Variants in PRELP observed in about 807,000 individuals in gnomAD.
The protein encoded by PRELP is proline and arginine rich end leucine rich repeat protein, also known as prolargin.
In PRELP, 16 loss-of-function variants were observed where a neutral mutation model predicts 22.8. The ratio of observed to expected loss-of-function variants is 0.70; its 90% CI spans 0.47 to 1.06. The LOEUF (loss-of-function observed/expected upper bound fraction) is 1.06, where lower values mean the gene tolerates loss of function less well. PRELP is among the 50% of genes least tolerant of loss of function. The probability of loss-of-function intolerance (pLI) is 0.00; values close to 1 mark genes in which losing one functional copy is unlikely to be tolerated. For synonymous variants in PRELP, 233 were observed against 211.4 expected, an observed-to-expected ratio of 1.10 and a Z score of -0.89; for missense variants, 434 against 485.2, an observed-to-expected ratio of 0.89 and a Z score of 0.99.
chr1:203,486,834 C>G lies in PRELP; in HGVS notation c.1102C>G (p.Leu368Val), dbSNP rs765798238. The G allele has an allele frequency of 6.2e-7, 1 of 1,614,116 alleles. No individual in the cohort carries two copies. Among genetic ancestry groups the G allele is most frequent in the Non-Finnish European group, 8.5e-7 (1 of 1,180,044 alleles). Residue 368 changes from leucine to valine, a missense_variant, in exon 3 of 3, where the codon CTG (leucine) becomes GTG (valine). Coordinates refer to ENST00000343110, the MANE Select transcript of PRELP (RefSeq NM_002725.4). ...AAACTACTTGAAGCCGCCCATCCCG[C>G]TGGACCTCATGATGTGCTTCCGCCT... ...DGNYLKPPIP[L>V]DLMMCFRLLQ... is the part of the protein sequence containing the mutation.
At chr1:203,484,864 C>T (rs1661066835) in intron 2 of PRELP, among the ~76,000 whole-genome samples, 1 of 152,174 alleles carries the variant, frequency 6.6e-6, no homozygotes, top group Non-Finnish European at 1.5e-5. Context: ...AGTTTTGCTT[C>T]AATCAAAAAT....
At chr1:203,479,618 A>T (rs961224747) in intron 1 of PRELP, among the ~76,000 whole-genome samples, 2 of 147,934 alleles carry the variant, frequency 1.4e-5, no homozygotes, top group Non-Finnish European at 3.0e-5. Context: ...TGGAAGGATC[A>T]CCTGAGCCCA....
At position 203,489,492 on chromosome 1, in the gene PRELP, G is replaced by C. The variant is rs931627948; in HGVS notation, c.*2611G>C. On this transcript the variant is annotated 3_prime_UTR_variant, in exon 3 of 3. Transcript: ENST00000343110. ...GTCATCGACATATACAGGTGTGTAC[G>C]TAGGTGTATGTGTGTACTCTGCACG... 6.6e-6 allele frequency: 1 copy of C among 152,240 alleles called. No individual in the cohort carries two copies. Among genetic ancestry groups the C allele is most frequent in the African/African-American group, 2.4e-5 (1 of 41,452 alleles). 9.4% of individuals were successfully genotyped at this position (152,240 alleles called of 1,614,324 possible). A position where few individuals can be genotyped will look rare whatever the true frequency, so the allele number is the denominator to read the frequency against.
In PRELP at chr1:203,481,665, C is replaced by T. The variant is rs564710709; in HGVS notation, c.-16-1504C>T. 5.3e-5 allele frequency among the ~76,000 whole-genome samples: 8 copies of T among 152,296 alleles called. No individual in the cohort carries two copies. In the East Asian group the frequency reaches 1.5e-3, roughly 29 times the overall value. On this transcript the variant is annotated intron_variant, in intron 1 of 2. Transcript: ENST00000343110. The stretch of plus-strand genomic sequence containing the variant: ...GCCTTCCTTCCCTTCCGCCTTCCTT[C>T]TTTCCTTCCAATACTCAGTGTACTG...
In PRELP at chr1:203,491,173, C is replaced by G. The variant is rs1203541129; in HGVS notation, c.*4292C>G. The G allele has an allele frequency of 6.6e-6, 1 of 152,344 alleles. No individual in the cohort carries two copies. The highest frequency in any genetic ancestry group is 2.1e-4 in the South Asian group (1 of 4,826). 9.4% of individuals were successfully genotyped at this position (152,344 alleles called of 1,614,324 possible). A position where few individuals can be genotyped will look rare whatever the true frequency, so the allele number is the denominator to read the frequency against. ...GCTCATCCTGGCTCAAAAGCTCCCC[C>G]ACTGAACACCTTGCAACCCCCACCC... On this transcript the variant is annotated 3_prime_UTR_variant, in exon 3 of 3. Transcript: ENST00000343110. This position sits in a 1 kb window ranked among gnomAD's most constrained non-coding sequence, Gnocchi z 4.4.
intron 1 of PRELP, among the ~76,000 whole-genome samples, chr1:203,482,294 T>C (rs79829082): frequency 6.6e-6 from 1 of 151,808 alleles, no homozygotes; most frequent in Non-Finnish European, 1.5e-5. Flanking sequence ...TTTTTTTTTT[T>C]TGAGAAAGAG....
intron 1 of PRELP, among the ~76,000 whole-genome samples, chr1:203,481,233 T>TA (rs1372924402): frequency 2.1e-5 from 3 of 141,270 alleles, no homozygotes; most frequent in Admixed American, 7.1e-5. Flanking sequence ...GATTAGAAAA[T>TA]AAATTTTTTT....
At chr1:203,479,110 G>A (rs1373737805) in intron 1 of PRELP, among the ~76,000 whole-genome samples, 1 of 152,180 alleles carries the variant, frequency 6.6e-6, no homozygotes, top group Non-Finnish European at 1.5e-5. Flanking sequence ...AAGGCATGGA[G>A]GCTTAGGGGT....
Position 203,485,633 on chromosome 1 carries a change from C to T in PRELP, c.974-1073C>T, listed in dbSNP as rs1343174914. On this transcript the variant is annotated intron_variant, in intron 2 of 2. Coordinates refer to ENST00000343110, the MANE Select transcript of PRELP (RefSeq NM_002725.4). ...AGCATGAGGGTGGCTAGGCCACAGC[C>T]CCAAGCTCATAAGAGAAAACCCCCG... Among the ~76,000 whole-genome samples, 6 of 152,302 alleles carry T rather than the reference C, an allele frequency of 3.9e-5. No individual in the cohort carries two copies. In the East Asian group the frequency reaches 9.6e-4, roughly 24 times the overall value.
At chr1:203,481,359 T>C (rs1005881355) in intron 1 of PRELP, among the ~76,000 whole-genome samples, 3 of 152,226 alleles carry the variant, frequency 2.0e-5, no homozygotes, top group African/African-American at 4.8e-5. Flanking sequence ...TCCAGAAAAT[T>C]ACAGAACTTA....
At position 203,483,149 on chromosome 1, in the gene PRELP, T is replaced by C; in HGVS notation, c.-16-20T>C. 1 of 1,500,436 alleles carries C rather than the reference T, an allele frequency of 6.7e-7. No individual in the cohort carries two copies. Among genetic ancestry groups the C allele is most frequent in the Non-Finnish European group, 8.9e-7 (1 of 1,118,074 alleles). The allele number at this position is 1,500,436 out of a possible 1,614,324, so 92.9% of individuals were successfully genotyped here. A position where few individuals can be genotyped will look rare whatever the true frequency, so the allele number is the denominator to read the frequency against. On this transcript the variant is annotated intron_variant, in intron 1 of 2. Transcript: ENST00000343110. This position sits in a 1 kb window ranked among gnomAD's most constrained non-coding sequence, Gnocchi z 4.4. ...ACTGAGGGCCCAAGGATAATGACCT[T>C]ATGTGTCTTCTCCCTGCAGGTGCAT...
chr1:203,484,613 G>A (rs1661063297), intron 2 of PRELP, among the ~76,000 whole-genome samples: 2 of 152,254 alleles, frequency 1.3e-5, no homozygotes, highest in Admixed American at 1.3e-4. Context: ...GCCCTCTGCA[G>A]AAACCTGCCC....
chr1:203,477,302 G>A (rs561165446), intron 1 of PRELP, among the ~76,000 whole-genome samples: 58 of 152,274 alleles, frequency 3.8e-4, no homozygotes, highest in Non-Finnish European at 6.6e-4. Flanking sequence ...CCAAGACTCC[G>A]GCAGTGTTAG....
intron 1 of PRELP, among the ~76,000 whole-genome samples, chr1:203,481,017 G>A (rs1043085059): frequency 2.0e-5 from 3 of 147,268 alleles, no homozygotes; most frequent in Non-Finnish European, 3.0e-5. Context: ...AGGAAACCCC[G>A]CCCCGCCCAG....
chr1:203,480,646 AAG>A (rs1660983934), intron 1 of PRELP, among the ~76,000 whole-genome samples: 2 of 152,202 alleles, frequency 1.3e-5, no homozygotes, highest in Non-Finnish European at 2.9e-5. Context: ...CTATTTCCTT[AAG>A]AGAGAAGCAT....
Position 203,488,355 on chromosome 1 carries a change from AC to A in PRELP, c.*1475del, listed in dbSNP as rs1661134291. 6.6e-6 allele frequency: 1 copy of A among 152,228 alleles called. No individual in the cohort carries two copies. Among genetic ancestry groups the A allele is most frequent in the East Asian group, 1.9e-4 (1 of 5,148 alleles). The allele number at this position is 152,228 out of a possible 1,614,324, so 9.4% of individuals were successfully genotyped here. On this transcript the variant is annotated 3_prime_UTR_variant, in exon 3 of 3. Transcript: ENST00000343110. ...GCAACATGGTGAAACCCCCGTCTCTACTAAAATACAAAAAAATTAGCCAGGC... is the reference window on the plus strand; with the variant it reads ...GCAACATGGTGAAACCCCCGTCTCTATAAAATACAAAAAAATTAGCCAGGC...
chr1:203,481,897 C>T (rs1048873213), intron 1 of PRELP, among the ~76,000 whole-genome samples: 3 of 152,110 alleles, frequency 2.0e-5, no homozygotes, highest in African/African-American at 7.2e-5. Context: ...CCATTTTTAG[C>T]AAAGAAACGT....
At position 203,489,241 on chromosome 1, in the gene PRELP, T is replaced by G. The variant is rs1447196583; in HGVS notation, c.*2360T>G. Reference sequence around the variant, plus strand: ...AGGGGAGAGGTCATTACCTTGATCCTGCAAACCCAGACTCGTTGAGCAGCA... The same window carrying G: ...AGGGGAGAGGTCATTACCTTGATCCGGCAAACCCAGACTCGTTGAGCAGCA... On this transcript the variant is annotated 3_prime_UTR_variant, in exon 3 of 3. Transcript: ENST00000343110. The G allele has an allele frequency of 6.6e-6, 1 of 152,640 alleles. No homozygotes were observed. Among genetic ancestry groups the G allele is most frequent in the African/African-American group, 2.4e-5 (1 of 41,458 alleles). The allele number at this position is 152,640 out of a possible 1,614,324, so 9.5% of individuals were successfully genotyped here. A position where few individuals can be genotyped will look rare whatever the true frequency, so the allele number is the denominator to read the frequency against.
Position 203,489,055 on chromosome 1 carries a change from A to G in PRELP, c.*2174A>G, listed in dbSNP as rs1661145431. 1 of 152,630 alleles carries G rather than the reference A, an allele frequency of 6.6e-6. No homozygotes were observed. The highest frequency in any genetic ancestry group is 1.5e-5 in the Non-Finnish European group (1 of 68,046). 9.5% of individuals were successfully genotyped at this position (152,630 alleles called of 1,614,324 possible). A position where few individuals can be genotyped will look rare whatever the true frequency, so the allele number is the denominator to read the frequency against. On this transcript the variant is annotated 3_prime_UTR_variant, in exon 3 of 3. Transcript: ENST00000343110. ...GCCTCCTTCCCCCGTGCTCCACTAC[A>G]ATCGCCGCATTCTTTCTAGCTGCAG...
Sources: gnomAD v4.1 joint callset for allele counts (sites outside exome capture counted in the v4.1 genomes callset) on GRCh38, gnomAD v4.1.1 for gene constraint, Gnocchi (gnomAD v3.1) non-coding constraint, MANE v1.5 for transcripts, NCBI Gene and HGNC (gene_info 2026-07-23, HGNC 2026-07-21) for gene names.